CACNA2D3: variants seen among roughly 807,000 people sequenced by gnomAD.
CACNA2D3 encodes the protein voltage-dependent calcium channel subunit alpha-2/delta-3.
Under a neutral mutation model 160.6 loss-of-function variants are expected in CACNA2D3, and 60 were observed. The observed-to-expected ratio is 0.37, with a 90% CI of 0.30 to 0.46. The LOEUF is 0.46. CACNA2D3 is among the 20% of genes least tolerant of loss of function. The pLI, the probability that CACNA2D3 is intolerant of heterozygous loss-of-function variation, is 1.00. For missense variants in CACNA2D3, 1,205 were observed against 1,365.0 expected, an observed-to-expected ratio of 0.88 and a Z score of 1.85; for synonymous variants, 558 against 492.9, an observed-to-expected ratio of 1.13 and a Z score of -1.75.
intron 4 of CACNA2D3, among the ~76,000 whole-genome samples, chr3:54,493,740 G>A (rs558707146): frequency 6.6e-6 from 1 of 152,210 alleles, no homozygotes; most frequent in Non-Finnish European, 1.5e-5. Flanking sequence ...TGCTGCCTGG[G>A]TTGACCAACT....
intron 5 of CACNA2D3, among the ~76,000 whole-genome samples, chr3:54,531,982 C>T (rs2106642158): frequency 6.6e-6 from 1 of 152,320 alleles, no homozygotes; most frequent in East Asian, 1.9e-4. Context: ...TCTTGCCTCT[C>T]CGCGAGCCCA....
rs564726782 is a variant in CACNA2D3, at chr3:54,806,763, A to G, written c.1381-10090A>G. Among the ~76,000 whole-genome samples the G allele has an allele frequency of 4.3e-3, 652 of 152,212 alleles. 8 individuals carry two copies. Among genetic ancestry groups the G allele is most frequent in the African/African-American group, 0.014 (575 of 41,524 alleles). ...ATCGCCAAGTCAATCCTAAGCCAAA[A>G]GAACAAAGCTGGAGGCATCACACTA... On this transcript the variant is annotated intron_variant, in intron 13 of 37. Transcript: ENST00000474759.
At chr3:54,946,286 C>A (rs1037299444) in intron 27 of CACNA2D3, among the ~76,000 whole-genome samples, 10 of 152,182 alleles carry the variant, frequency 6.6e-5, no homozygotes, top group Non-Finnish European at 1.5e-5. Context: ...TGAGTGCCCC[C>A]TCTTATACTC....
At chr3:54,542,703 G>A (rs781014379) in intron 5 of CACNA2D3, among the ~76,000 whole-genome samples, 23 of 152,016 alleles carry the variant, frequency 1.5e-4, no homozygotes, top group East Asian at 3.9e-4. Flanking sequence ...TCACACTGGC[G>A]GCTGATTAGA....
chr3:55,051,427 G>T (rs1284426902), intron 35 of CACNA2D3, among the ~76,000 whole-genome samples: 1 of 152,106 alleles, frequency 6.6e-6, no homozygotes, highest in Non-Finnish European at 1.5e-5. Context: ...GGGCGTCAGG[G>T]GTCAGGGACC....
At chr3:54,454,058 A>T (rs892834878) in intron 4 of CACNA2D3, among the ~76,000 whole-genome samples, 1 of 152,162 alleles carries the variant, frequency 6.6e-6, no homozygotes, top group African/African-American at 2.4e-5. Flanking sequence ...GAAAGGTTGA[A>T]CTAGCATGTC....
intron 2 of CACNA2D3, among the ~76,000 whole-genome samples, chr3:54,151,171 ATGGG>A (rs968676448): frequency 4.7e-5 from 7 of 150,352 alleles, no homozygotes; most frequent in African/African-American, 1.7e-4. Context: ...GGATGGGTTA[ATGGG>A]TGGATGGGTG....
intron 4 of CACNA2D3, among the ~76,000 whole-genome samples, chr3:54,417,796 G>GTGTGT (rs879810985): frequency 1.1e-5 from 1 of 86,964 alleles, no homozygotes; most frequent in African/African-American, 4.7e-5. Context: ...CTGTGTGTGT[G>GTGTGT]GGGGGGGGGG....
At chr3:54,561,125 A>T (rs1046754223) in intron 5 of CACNA2D3, among the ~76,000 whole-genome samples, 12 of 152,170 alleles carry the variant, frequency 7.9e-5, no homozygotes, top group African/African-American at 2.9e-4. Context: ...TCTCAACGGT[A>T]ATTTATTAGG....
At chr3:54,494,292 A>G (rs1053716149) in intron 4 of CACNA2D3, among the ~76,000 whole-genome samples, 9 of 152,214 alleles carry the variant, frequency 5.9e-5, no homozygotes, top group African/African-American at 2.2e-4. Context: ...TCTTGTTTGT[A>G]CTGAATCAGC....
intron 25 of CACNA2D3, among the ~76,000 whole-genome samples, chr3:54,894,317 C>T (rs371157958): frequency 2.6e-5 from 4 of 152,290 alleles, no homozygotes; most frequent in South Asian, 2.1e-4. Context: ...TCAGTCCTTT[C>T]GCAGTGACAC....
At chr3:55,049,797 T>G (rs1335827755) in intron 35 of CACNA2D3, among the ~76,000 whole-genome samples, 1 of 150,388 alleles carries the variant, frequency 6.6e-6, no homozygotes, top group African/African-American at 2.5e-5. Flanking sequence ...CTGTATTGGG[T>G]GCATATATAT....
chr3:54,888,873 G>A (rs943084703), intron 24 of CACNA2D3, among the ~76,000 whole-genome samples: 7 of 152,134 alleles, frequency 4.6e-5, no homozygotes, highest in African/African-American at 1.4e-4. Context: ...GAGGTGTTGG[G>A]GAAATGGAGA....
At chr3:54,143,685 G>A (rs534523487) in intron 2 of CACNA2D3, among the ~76,000 whole-genome samples, 1 of 148,094 alleles carries the variant, frequency 6.8e-6, no homozygotes, top group African/African-American at 2.5e-5. Flanking sequence ...ATTTTTAGTA[G>A]AGACGGGGTT....
intron 2 of CACNA2D3, among the ~76,000 whole-genome samples, chr3:54,138,692 C>G (rs1699864568): frequency 1.3e-5 from 2 of 152,124 alleles, no homozygotes; most frequent in Admixed American, 6.5e-5. Flanking sequence ...TAAGTTAATC[C>G]TCATAACTAG....
intron 26 of CACNA2D3, among the ~76,000 whole-genome samples, chr3:54,897,382 A>G (rs1406714722): frequency 2.0e-5 from 3 of 152,232 alleles, no homozygotes; most frequent in Admixed American, 6.5e-5. Context: ...CAGTCCTAAG[A>G]GTTTATGATA....
chr3:54,598,341 G>GAAAAAAAAAA (rs796965866), intron 9 of CACNA2D3, among the ~76,000 whole-genome samples: 1 of 131,036 alleles, frequency 7.6e-6, no homozygotes, highest in Admixed American at 7.9e-5. Flanking sequence ...AAGAAGAAAG[G>GAAAAAAAAAA]AAAAAAAAGA....
chr3:54,963,914 G>A (rs1262362278), intron 27 of CACNA2D3, among the ~76,000 whole-genome samples: 1 of 152,200 alleles, frequency 6.6e-6, no homozygotes, highest in Admixed American at 6.5e-5. Flanking sequence ...AGTCTGGAAG[G>A]AAGATACTTT....
chr3:54,840,662 G>C (rs1698799081), intron 16 of CACNA2D3, among the ~76,000 whole-genome samples: 1 of 150,828 alleles, frequency 6.6e-6, no homozygotes, highest in Non-Finnish European at 1.5e-5. Context: ...ACCCGCCTCA[G>C]CCTCCCAAAG....
Sources: allele counts gnomAD v4.1 joint callset (sites outside exome capture counted in the v4.1 genomes callset), GRCh38; gene constraint gnomAD v4.1.1; transcripts MANE v1.5; gene names NCBI Gene and HGNC (gene_info 2026-07-23, HGNC 2026-07-21).